LRP5: variants seen among roughly 807,000 people sequenced by gnomAD.
The protein encoded by LRP5 is LDL receptor related protein 5, also known as low-density lipoprotein receptor-related protein 5.
LRP5 carries 62 observed loss-of-function variants against 154.1 expected under a neutral mutation model. The ratio of observed to expected loss-of-function variants is 0.40; its 90% CI spans 0.33 to 0.50. LRP5 has a LOEUF of 0.50. Among genes scored for constraint, LRP5 ranks in the 20% least tolerant of loss-of-function variants. The pLI is 0.55. For missense variants in LRP5, 1,915 were observed against 2,336.7 expected (o/e 0.82, Z 3.72); for synonymous variants, 966 against 1,011.5 (o/e 0.96, Z 0.85).
rs1484646909 is a variant in LRP5, at chr11:68,414,879, C to T, written c.2827+867C>T. On this transcript the variant is annotated intron_variant, in intron 12 of 22. Transcript: ENST00000294304. ...GATGGGCCTGGGCCAGAGTCTGGGA[C>T]TTCCCATGCCTGGGCTGTCTTTGGT... is the stretch of plus-strand genomic sequence containing the variant. Among the ~76,000 whole-genome samples, 4 of 152,344 alleles carry T rather than the reference C, an allele frequency of 2.6e-5. No homozygotes were observed. In the East Asian group the frequency reaches 7.7e-4, roughly 29 times the overall value.
rs759951621 is a variant in LRP5 at position 68,386,646 on chromosome 11, C to G, written c.1346C>G (p.Ser449Cys). 3.1e-6 allele frequency: 5 copies of G among 1,613,538 alleles called. No individual in the cohort carries two copies. The South Asian group carries it at 4.4e-5, about 14-fold the overall frequency. Residue 449 changes from serine to cysteine, a missense_variant, in exon 6 of 23, where the codon TCC (serine) becomes TGC (cysteine). By Grantham distance (112) the Ser-to-Cys change is moderately radical (BLOSUM62 -1). Around this residue, in one of 3 missense-constraint regions of LRP5, gnomAD observed 773 missense variants for 1,100.9 expected, o/e 0.70. Transcript: ENST00000294304. This position sits in a 1 kb window ranked among gnomAD's most constrained non-coding sequence, Gnocchi z 7.9. Reference protein sequence around the residue: ...RIEVTRLNGTSRKILVSEDLD... With the variant: ...RIEVTRLNGTCRKILVSEDLD... ...GAGGTGACGCGCCTCAACGGCACCT[C>G]CCGCAAGATCCTGGTGTCGGAGGAC...
At chr11:68,431,281 G>A (rs998031387) in intron 17 of LRP5, among the ~76,000 whole-genome samples, 4 of 131,548 alleles carry the variant, frequency 3.0e-5, no homozygotes, top group African/African-American at 5.8e-5. Flanking sequence ...CTTTTTTCGC[G>A]CAGGCTGAAG....
At chr11:68,414,123 G>T in intron 12 of LRP5, 111 bp downstream of exon 12, 1 of 1,044,524 alleles carries the variant, frequency 9.6e-7, no homozygotes, top group Non-Finnish European at 1.4e-6. Flanking sequence ...TACATAGATG[G>T]TTGGGTAGGT....
chr11:68,356,208 C>T (rs2098623104), intron 2 of LRP5, among the ~76,000 whole-genome samples: 1 of 149,270 alleles, frequency 6.7e-6, no homozygotes, highest in African/African-American at 2.5e-5. Flanking sequence ...GTGGTACAGT[C>T]ACAGCTCACT....
chr11:68,411,363 G>C (rs891994665), intron 10 of LRP5, 73 bp from the exon 11 acceptor site: 2 of 1,524,574 alleles, frequency 1.3e-6, no homozygotes, highest in Non-Finnish European at 1.8e-6. Flanking sequence ...GGACAGTTGC[G>C]TCCCCCCGCC....
chr11:68,426,794 C>G (rs185330938), intron 16 of LRP5, among the ~76,000 whole-genome samples: 1 of 152,226 alleles, frequency 6.6e-6, no homozygotes, highest in Non-Finnish European at 1.5e-5. Flanking sequence ...GTTCTCTGCT[C>G]AGGGTCTCAC....
At chr11:68,438,302 C>A in intron 19 of LRP5, 144 bp from the exon 20 acceptor site, 1 of 844,354 alleles carries the variant, frequency 1.2e-6, no homozygotes, top group Non-Finnish European at 2.0e-6. Flanking sequence ...GCTCCCCAGG[C>A]CTAGCCTCCC....
rs60991850 is a variant in LRP5 at position 68,434,397 on chromosome 11, C to CATTCATTT, written c.4000+559_4000+560insATTCATTT. ...TCATTCATTCATTCATTCATTCATTCGAGACAGAGTCTTGCTCTGTCACCC... is the reference window on the plus strand; with the variant it reads ...TCATTCATTCATTCATTCATTCATTCATTCATTTGAGACAGAGTCTTGCTCTGTCACCC... On this transcript the variant is annotated intron_variant, in intron 18 of 22. Transcript: ENST00000294304. Among the ~76,000 whole-genome samples, 75 of 123,668 alleles carry CATTCATTT rather than the reference C, an allele frequency of 6.1e-4. 1 individual carries two copies. The highest frequency in any genetic ancestry group is 2.2e-3 in the African/African-American group (73 of 32,768). The allele number at this position is 123,668 out of a possible 152,430, so 81.1% of individuals were successfully genotyped here.
At chr11:68,385,621 CTG>C (rs1279336871) in intron 5 of LRP5, among the ~76,000 whole-genome samples, 3 of 152,056 alleles carry the variant, frequency 2.0e-5, no homozygotes, top group Non-Finnish European at 4.4e-5. Context: ...TCGTGAAACT[CTG>C]TGTTAGCTCT....
chr11:68,318,525 G>C (rs1223563735), intron 1 of LRP5, among the ~76,000 whole-genome samples: 2 of 151,842 alleles, frequency 1.3e-5, no homozygotes, highest in African/African-American at 4.8e-5. Flanking sequence ...TTTTTGTAGA[G>C]ACAGGGTTTC....
At chr11:68,409,277 ATATT>A (rs946962533) in intron 9 of LRP5, among the ~76,000 whole-genome samples, 5 of 141,600 alleles carry the variant, frequency 3.5e-5, no homozygotes, top group Non-Finnish European at 6.1e-5. Flanking sequence ...ATAAAAATAT[ATATT>A]TATAAATAAT....
At chr11:68,335,861 G>A (rs1245746246) in intron 1 of LRP5, among the ~76,000 whole-genome samples, 1 of 152,218 alleles carries the variant, frequency 6.6e-6, no homozygotes, top group African/African-American at 2.4e-5. Flanking sequence ...TGTGGCCTCA[G>A]TTGACCTCAG....
chr11:68,300,642 C>A, the LRP5 span, among the ~76,000 whole-genome samples: 1 of 149,456 alleles, frequency 6.7e-6, no homozygotes, highest in African/African-American at 2.4e-5. Flanking sequence ...GCCGCAGAGG[C>A]CATACGGATG....
At chr11:68,335,093 T>A (rs2098604938) in intron 1 of LRP5, among the ~76,000 whole-genome samples, 1 of 144,328 alleles carries the variant, frequency 6.9e-6, no homozygotes, top group Non-Finnish European at 1.6e-5. Context: ...TTTTTTTTTT[T>A]AAGACAGCGT....
At chr11:68,433,128 C>A (rs2098672883) in intron 17 of LRP5, among the ~76,000 whole-genome samples, 1 of 152,226 alleles carries the variant, frequency 6.6e-6, no homozygotes, top group Admixed American at 6.5e-5. Flanking sequence ...CCCACACCCG[C>A]AACAGGTGTG....
chr11:68,364,137 G>A (rs2098629596), intron 4 of LRP5, among the ~76,000 whole-genome samples, 194 bp downstream of exon 4: 2 of 151,868 alleles, frequency 1.3e-5, no homozygotes, highest in East Asian at 3.9e-4. Context: ...CTGCAATGGA[G>A]GGAGGTGTGT....
chr11:68,448,079 A>G (rs770638219), intron 22 of LRP5, among the ~76,000 whole-genome samples: 2 of 152,218 alleles, frequency 1.3e-5, no homozygotes, highest in Non-Finnish European at 1.5e-5. Context: ...ATGGTAGAAG[A>G]CAAGGAGGAG....
intron 19 of LRP5, among the ~76,000 whole-genome samples, chr11:68,437,922 C>T (rs535332274): frequency 2.0e-5 from 3 of 152,242 alleles, no homozygotes; most frequent in Non-Finnish European, 4.4e-5. Flanking sequence ...CCCTCAGGAT[C>T]GCTGGGCCGG....
rs144223402 is a variant in LRP5, at chr11:68,354,112, C to T, written c.489-3538C>T. ...TTAAAGCCAGGGTGAAACCCAACCC[C>T]CTCTTTAAAATGCAAAATGGCCCTT... On this transcript the variant is annotated intron_variant, in intron 2 of 22. Coordinates refer to ENST00000294304, the MANE Select transcript of LRP5 (RefSeq NM_002335.4). Among the ~76,000 whole-genome samples, 27 of 152,344 alleles carry T rather than the reference C, an allele frequency of 1.8e-4. No individual in the cohort carries two copies. In the East Asian group the frequency reaches 4.2e-3, roughly 24 times the overall value.
Sources: allele counts gnomAD v4.1 joint callset (sites outside exome capture counted in the v4.1 genomes callset), GRCh38; gene constraint gnomAD v4.1.1; regional missense constraint gnomAD v4.1.1; non-coding constraint Gnocchi (gnomAD v3.1); transcripts MANE v1.5; gene names NCBI Gene and HGNC (gene_info 2026-07-23, HGNC 2026-07-21).